Variants in RLF observed in about 807,000 individuals in gnomAD.
RLF encodes the protein zinc finger protein Rlf.
A neutral mutation model predicts 162.9 loss-of-function variants in RLF; 7 were observed. The ratio of observed to expected loss-of-function variants is 0.04; its 90% CI spans 0.02 to 0.08. The LOEUF (loss-of-function observed/expected upper bound fraction) is 0.08. RLF is among the 10% of genes least tolerant of loss of function. The pLI is 1.00. For missense variants in RLF, 1,664 were observed against 2,244.7 expected (o/e 0.74, Z 5.23); for synonymous variants, 782 against 791.5 (o/e 0.99, Z 0.20).
rs1185700403 is a variant in RLF, at chr1:40,238,894, C to T, written c.4192C>T (p.Leu1398Phe). Residue 1398 changes from leucine to phenylalanine, a missense_variant, in exon 8 of 8, where the codon CTT (leucine) becomes TTT (phenylalanine). Transcript: ENST00000372771. This position sits in a 1 kb window ranked among gnomAD's most constrained non-coding sequence, Gnocchi z 5.2. ...AGACCATATTGAAGAGCCTAAAGTA[C>T]TTTCCGAAGCTGGATCTGCAGCAAG... ...NLDHIEEPKV[L>F]SEAGSAARFS... 1 of 1,614,094 alleles carries T rather than the reference C, an allele frequency of 6.2e-7. No homozygotes were observed. The highest frequency in any genetic ancestry group is 8.5e-7 in the Non-Finnish European group (1 of 1,180,026).
intron 5 of RLF, 83 bp from the exon 6 acceptor site, chr1:40,222,491 C>CATT: frequency 7.3e-7 from 1 of 1,375,414 alleles, no homozygotes; most frequent in East Asian, 2.3e-5. Context: ...ATTTTTGCCT[C>CATT]ATTAAGAAGT....
chr1:40,165,581 G>T (rs7538102), intron 1 of RLF, among the ~76,000 whole-genome samples: 46,084 of 151,410 alleles, frequency 0.3, 7,879 homozygotes, highest in African/African-American at 0.46. Context: ...GGATTTTTTT[G>T]GGGGGACACT....
At position 40,240,292 on chromosome 1, in the gene RLF, T is replaced by C. The variant is rs372451015; in HGVS notation, c.5590T>C (p.Leu1864=). 4 of 1,614,236 alleles carry C rather than the reference T, an allele frequency of 2.5e-6. No individual in the cohort carries two copies. The highest frequency in any genetic ancestry group is 1.1e-5 in the South Asian group (1 of 91,086). ...VPSLENLRVV[L]DKALTDCGEL... is the part of the protein sequence containing the mutation. ...TTCCTTGGAAAACCTGAGGGTTGTA[T>C]TGGACAAAGCATTAACAGACTGTGG... The change falls in exon 8 of 8, where the codon TTG becomes CTG. Residue 1864 remains leucine (L), a synonymous_variant. Transcript: ENST00000372771.
intron 6 of RLF, among the ~76,000 whole-genome samples, chr1:40,224,315 T>TC (rs1275797618): frequency 1.3e-5 from 2 of 150,978 alleles, no homozygotes; most frequent in East Asian, 3.9e-4. Flanking sequence ...TCTTTTTTTT[T>TC]TTTTTTTTTT....
chr1:40,173,879 A>T (rs1232455036), intron 1 of RLF, among the ~76,000 whole-genome samples: 1 of 152,162 alleles, frequency 6.6e-6, no homozygotes, highest in Non-Finnish European at 1.5e-5. Flanking sequence ...TGTCCAAAGA[A>T]TTATAATTAG....
rs368681420 is a variant in RLF at position 40,233,824 on chromosome 1, C to CCTTCTCACTATTACA, written c.1090-1964_1090-1950dup. Among the ~76,000 whole-genome samples the CCTTCTCACTATTACA allele has an allele frequency of 2.0e-3, 307 of 152,310 alleles. 1 individual carries two copies. Among genetic ancestry groups the CCTTCTCACTATTACA allele is most frequent in the African/African-American group, 7.2e-3 (300 of 41,568 alleles). On this transcript the variant is annotated intron_variant, in intron 7 of 7. Coordinates refer to ENST00000372771, the MANE Select transcript of RLF (RefSeq NM_012421.4). ...ACTGAACTCTGTTCTACTCTTTCCC[C>CCTTCTCACTATTACA]CTTCTCACTATTACACTTGACTAGT...
At chr1:40,196,814 T>C (rs1030991343) in intron 4 of RLF, among the ~76,000 whole-genome samples, 17 of 152,330 alleles carry the variant, frequency 1.1e-4, no homozygotes, top group African/African-American at 4.1e-4. Context: ...ATGAAATATC[T>C]TATTTGCAAA....
intron 1 of RLF, among the ~76,000 whole-genome samples, chr1:40,167,966 C>T (rs1439563986): frequency 6.6e-6 from 1 of 151,300 alleles, no homozygotes. Flanking sequence ...CCTGTAATCC[C>T]AGCCAGCACT....
intron 1 of RLF, among the ~76,000 whole-genome samples, chr1:40,167,988 A>G (rs1014768685): frequency 6.6e-6 from 1 of 151,572 alleles, no homozygotes; most frequent in Non-Finnish European, 1.5e-5. Flanking sequence ...TGGGAGACCA[A>G]GACGAGAGGA....
At chr1:40,177,254 G>T (rs114766359) in intron 1 of RLF, among the ~76,000 whole-genome samples, 7,877 of 151,790 alleles carry the variant, frequency 0.052, 601 homozygotes, top group African/African-American at 0.17. Context: ...ATCAGCATGA[G>T]CCACCACAAC....
intron 6 of RLF, among the ~76,000 whole-genome samples, chr1:40,229,118 C>T (rs570049994): frequency 6.6e-6 from 1 of 152,338 alleles, no homozygotes; most frequent in East Asian, 1.9e-4. Context: ...ACATCATTTA[C>T]TCATTTATCG....
chr1:40,179,801 A>G (rs1043151410), intron 1 of RLF, among the ~76,000 whole-genome samples: 2 of 152,040 alleles, frequency 1.3e-5, no homozygotes, highest in Non-Finnish European at 2.9e-5. Flanking sequence ...ATCTGTCTCT[A>G]TGAATTTGAC....
chr1:40,223,432 G>A (rs1015223745), intron 6 of RLF, among the ~76,000 whole-genome samples: 11 of 152,202 alleles, frequency 7.2e-5, no homozygotes, highest in Non-Finnish European at 1.3e-4. Context: ...TATTAAAGGT[G>A]TCAGGGAGGA....
In RLF at chr1:40,172,845, C is replaced by T. The variant is rs188162762; in HGVS notation, c.237+11209C>T. Among the ~76,000 whole-genome samples the T allele has an allele frequency of 7.0e-4, 106 of 152,114 alleles. 1 individual carries two copies. The highest frequency in any genetic ancestry group is 2.5e-3 in the African/African-American group (105 of 41,498). On this transcript the variant is annotated intron_variant, in intron 1 of 7. Transcript: ENST00000372771. ...CTGTACTCTATCCTGGGCAACAGAG[C>T]GAGACACTGACTCAAAAAAAGAAAT...
chr1:40,163,556 G>T (rs1353092328), intron 1 of RLF, among the ~76,000 whole-genome samples: 1 of 152,122 alleles, frequency 6.6e-6, no homozygotes, highest in Non-Finnish European at 1.5e-5. Context: ...TGGCCCAGAA[G>T]AATTTTTAAA....
Position 40,236,543 on chromosome 1 carries a change from G to A in RLF, c.1841G>A (p.Arg614His), listed in dbSNP as rs753797176. The A allele has an allele frequency of 1.9e-5, 30 of 1,614,022 alleles. No homozygotes were observed. The highest frequency in any genetic ancestry group is 4.4e-5 in the South Asian group (4 of 91,070). Reference sequence around the variant, plus strand: ...AAAATGCCACCAAGCAGAAGGGACCGCTCTAAAAAGAAATTACTGTTAAAA... The same window carrying A: ...AAAATGCCACCAAGCAGAAGGGACCACTCTAAAAAGAAATTACTGTTAAAA... ...HVKMPPSRRD[R>H]SKKKLLLKGS... Residue 614 changes from arginine to histidine, a missense_variant, in exon 8 of 8, where the codon CGC becomes CAC. This residue lies in a region of RLF where 50 missense variants were observed against 46.7 expected (regional missense o/e 1.07). Coordinates refer to ENST00000372771, the MANE Select transcript of RLF (RefSeq NM_012421.4). The surrounding 1 kb of genome is among the most constrained non-coding windows in gnomAD (Gnocchi z 7.7).
intron 1 of RLF, among the ~76,000 whole-genome samples, chr1:40,182,753 G>GTAGGTAGGTAGGTAGA (rs144667492): frequency 1.2e-4 from 18 of 148,874 alleles, no homozygotes; most frequent in African/African-American, 4.2e-4. Flanking sequence ...AGATAGATAG[G>GTAGGTAGGTAGGTAGA]TAGATAGATA....
At chr1:40,228,233 C>G (rs146937936) in intron 6 of RLF, among the ~76,000 whole-genome samples, 1 of 151,578 alleles carries the variant, frequency 6.6e-6, no homozygotes, top group Non-Finnish European at 1.5e-5. Flanking sequence ...TTGCAGTGAG[C>G]CGAGATCATG....
At chr1:40,181,646 A>G (rs992445323) in intron 1 of RLF, among the ~76,000 whole-genome samples, 17 of 152,212 alleles carry the variant, frequency 1.1e-4, no homozygotes, top group Admixed American at 2.0e-4. Flanking sequence ...TTGAACTGCA[A>G]CAGTGATTAA....
Sources: allele counts gnomAD v4.1 joint callset (sites outside exome capture counted in the v4.1 genomes callset), GRCh38; gene constraint gnomAD v4.1.1; regional missense constraint gnomAD v4.1.1; non-coding constraint Gnocchi (gnomAD v3.1); transcripts MANE v1.5; gene names NCBI Gene and HGNC (gene_info 2026-07-23, HGNC 2026-07-21).